CSMD2: variants seen among roughly 807,000 people sequenced by gnomAD.
CSMD2 encodes CUB and sushi domain-containing protein 2.
In CSMD2, 130 loss-of-function variants were observed where a neutral mutation model predicts 398.5. That is an observed-to-expected ratio of 0.33 (90% CI 0.28 to 0.38). The LOEUF (loss-of-function observed/expected upper bound fraction) is 0.38, where lower values mean the gene tolerates loss of function less well. Ranked by LOEUF, CSMD2 falls within the 10% of genes least tolerant of loss-of-function variation. The pLI, the probability that CSMD2 is intolerant of heterozygous loss-of-function variation, is 1.00. For synonymous variants in CSMD2, 1,828 were observed against 1,908.5 expected, an observed-to-expected ratio of 0.96 and a Z score of 1.10; for missense variants, 3,829 against 4,764.9, an observed-to-expected ratio of 0.80 and a Z score of 5.78.
At chr1:34,005,273 C>T (rs1647022423) in intron 3 of CSMD2, among the ~76,000 whole-genome samples, 1 of 152,152 alleles carries the variant, frequency 6.6e-6, no homozygotes, top group African/African-American at 2.4e-5. Flanking sequence ...GTCATGTGCT[C>T]ATTTCTGGCT....
chr1:33,869,568 C>T (rs1167406136), intron 5 of CSMD2, among the ~76,000 whole-genome samples: 5 of 152,284 alleles, frequency 3.3e-5, no homozygotes, highest in Admixed American at 6.5e-5. Context: ...CACAGATTGC[C>T]GGGCCTTACC....
intron 12 of CSMD2, 68 bp from the exon 13 acceptor site, chr1:33,772,819 C>T: frequency 7.4e-7 from 1 of 1,359,558 alleles, no homozygotes; most frequent in South Asian, 1.3e-5. Context: ...AGCTGAAGGT[C>T]CACATGACAA....
At chr1:33,820,631 G>T in intron 7 of CSMD2, 75 bp from the exon 8 acceptor site, 1 of 1,002,258 alleles carries the variant, frequency 1.0e-6, no homozygotes, top group Non-Finnish European at 1.5e-6. Flanking sequence ...GCACCAGCTG[G>T]GGCAATGTCT....
chr1:34,083,186 A>T (rs1348160868), intron 2 of CSMD2, among the ~76,000 whole-genome samples: 1 of 152,186 alleles, frequency 6.6e-6, no homozygotes. Flanking sequence ...GTATTTGATG[A>T]AGAATGTGTG....
intron 13 of CSMD2, among the ~76,000 whole-genome samples, chr1:33,769,150 T>C (rs903213913): frequency 6.6e-6 from 1 of 152,178 alleles, no homozygotes; most frequent in Non-Finnish European, 1.5e-5. Context: ...GTATCTCTTG[T>C]GGTGGAAGAA....
At chr1:34,073,285 A>G (rs1197060940) in intron 2 of CSMD2, among the ~76,000 whole-genome samples, 1 of 152,190 alleles carries the variant, frequency 6.6e-6, no homozygotes, top group Non-Finnish European at 1.5e-5. Flanking sequence ...GTTTGATAAA[A>G]TCCATAATGC....
intron 3 of CSMD2, among the ~76,000 whole-genome samples, chr1:34,011,011 C>T (rs980172665): frequency 1.3e-5 from 2 of 152,158 alleles, no homozygotes; most frequent in Admixed American, 1.3e-4. Context: ...CTCTAGGAGG[C>T]CTTCCCTAAC....
intron 66 of CSMD2, among the ~76,000 whole-genome samples, chr1:33,523,684 C>T (rs1340663018): frequency 1.3e-5 from 2 of 152,182 alleles, no homozygotes; most frequent in Non-Finnish European, 2.9e-5. Flanking sequence ...GCTATTGACA[C>T]AGGCATGTGT....
intron 52 of CSMD2, among the ~76,000 whole-genome samples, chr1:33,568,466 C>T (rs954457638): frequency 6.6e-6 from 1 of 152,164 alleles, no homozygotes; most frequent in Non-Finnish European, 1.5e-5. Flanking sequence ...GGATTACAGG[C>T]GTGAGCCACC....
intron 4 of CSMD2, among the ~76,000 whole-genome samples, chr1:33,929,455 T>TTTTTTTG (rs1491104136): frequency 7.2e-6 from 1 of 138,778 alleles, no homozygotes; most frequent in Admixed American, 7.3e-5. Flanking sequence ...TTTTTTTTTT[T>TTTTTTTG]GAGATAGAGT....
chr1:33,992,734 G>A (rs536795686), intron 3 of CSMD2, among the ~76,000 whole-genome samples: 13 of 151,782 alleles, frequency 8.6e-5, no homozygotes, highest in Non-Finnish European at 1.2e-4. Flanking sequence ...AAAATTAGCC[G>A]GGCGTGGTGG....
intron 2 of CSMD2, among the ~76,000 whole-genome samples, chr1:34,033,518 A>G (rs1650719199): frequency 6.6e-6 from 1 of 152,218 alleles, no homozygotes. Flanking sequence ...TACATTTAGG[A>G]AAGACCTTGT....
intron 12 of CSMD2, among the ~76,000 whole-genome samples, chr1:33,773,055 G>A (rs768637459): frequency 6.6e-6 from 1 of 152,166 alleles, no homozygotes; most frequent in Admixed American, 6.5e-5. Context: ...AATCCAATAT[G>A]AGATGAAGCA....
intron 15 of CSMD2, among the ~76,000 whole-genome samples, chr1:33,727,912 A>G (rs1019059323): frequency 2.0e-5 from 3 of 152,170 alleles, no homozygotes; most frequent in Non-Finnish European, 2.9e-5. Flanking sequence ...TGTCACTGCC[A>G]TCACCACTGC....
At chr1:33,769,247 A>G (rs1650945206) in intron 13 of CSMD2, among the ~76,000 whole-genome samples, 1 of 152,240 alleles carries the variant, frequency 6.6e-6, no homozygotes, top group African/African-American at 2.4e-5. Context: ...GGTAAAGAAT[A>G]TATGCAGCCT....
At chr1:33,984,881 A>T (rs1646299907) in intron 3 of CSMD2, among the ~76,000 whole-genome samples, 1 of 151,864 alleles carries the variant, frequency 6.6e-6, no homozygotes, top group Non-Finnish European at 1.5e-5. Context: ...GCAGGCAGGC[A>T]GGCAGGAAGG....
chr1:33,566,682 A>C (rs1659086409), intron 53 of CSMD2, among the ~76,000 whole-genome samples: 1 of 152,206 alleles, frequency 6.6e-6, no homozygotes, highest in African/African-American at 2.4e-5. Flanking sequence ...AAAAATGTTA[A>C]AAGTGACAAA....
intron 4 of CSMD2, among the ~76,000 whole-genome samples, chr1:33,931,732 G>A (rs1644318968): frequency 6.6e-6 from 1 of 152,146 alleles, no homozygotes; most frequent in African/African-American, 2.4e-5. Flanking sequence ...TTGGGGTGGG[G>A]CTCTTTCTGG....
chr1:34,087,235 C>A lies in CSMD2; in HGVS notation c.404+1742G>T, dbSNP rs2618775. 2.6e-5 allele frequency among the ~76,000 whole-genome samples: 4 copies of A among 151,804 alleles called. No homozygotes were observed. The East Asian group carries it at 7.8e-4, about 30-fold the overall frequency. Reference sequence around the variant, plus strand: ...GATTCAGCTCTCTGCTCATAGCTCTCTTTCCCCTGGGAAAGACCATCCCTG... The same window carrying A: ...GATTCAGCTCTCTGCTCATAGCTCTATTTCCCCTGGGAAAGACCATCCCTG... On this transcript the variant is annotated intron_variant, in intron 2 of 70. Coordinates refer to ENST00000373381, the MANE Select transcript of CSMD2 (RefSeq NM_001281956.2).
Sources: allele counts gnomAD v4.1 joint callset (sites outside exome capture counted in the v4.1 genomes callset), GRCh38; gene constraint gnomAD v4.1.1; transcripts MANE v1.5; gene names NCBI Gene and HGNC (gene_info 2026-07-23, HGNC 2026-07-21).